Variants in CLVS1 observed in about 807,000 individuals in gnomAD.
The protein encoded by CLVS1 is clavesin 1, also known as clavesin-1.
In CLVS1, 10 loss-of-function variants were observed where a neutral mutation model predicts 33.1. The ratio of observed to expected loss-of-function variants is 0.30; its 90% CI spans 0.19 to 0.51. CLVS1 has a LOEUF of 0.51. CLVS1 is among the 20% of genes least tolerant of loss of function. CLVS1 has a pLI of 0.97. For synonymous variants in CLVS1, 163 were observed against 166.1 expected (o/e 0.98, Z 0.14); for missense variants, 343 against 433.4 (o/e 0.79, Z 1.85).
intron 3 of CLVS1, among the ~76,000 whole-genome samples, chr8:61,428,051 G>A (rs976609988): frequency 6.6e-6 from 1 of 152,194 alleles, no homozygotes; most frequent in Non-Finnish European, 1.5e-5. Flanking sequence ...TACCCTGATA[G>A]TGCTGTCTTT....
chr8:61,357,555 G>A (rs1239476132), intron 2 of CLVS1, among the ~76,000 whole-genome samples: 1 of 110,204 alleles, frequency 9.1e-6, no homozygotes, highest in African/African-American at 3.2e-5. Context: ...GCCCAAGCTG[G>A]AGAGCAATGG....
chr8:61,148,654 T>C (rs1239685220), intron 2 of CLVS1, among the ~76,000 whole-genome samples: 1 of 152,208 alleles, frequency 6.6e-6, no homozygotes, highest in African/African-American at 2.4e-5. Flanking sequence ...ACCAGTGTGG[T>C]GTCCAGAGCA....
rs1351238201 is a variant in CLVS1 at position 61,499,527 on chromosome 8, C to T, written c.1050C>T (p.Leu350=). 1 of 1,613,388 alleles carries T rather than the reference C, an allele frequency of 6.2e-7. No individual in the cohort carries two copies. Among genetic ancestry groups the T allele is most frequent in the Admixed American group, 1.7e-5 (1 of 60,004 alleles). ...EKGENENTQP[L]LALD The stretch of plus-strand genomic sequence containing the variant: ...GAGAGAATGAGAACACCCAGCCACT[C>T]CTGGCTCTGGACTGAACCCTGAGTC... Residue 350 remains leucine (L), a synonymous_variant, in exon 6 of 6, where the codon CTC becomes CTT. Coordinates refer to ENST00000325897, the MANE Select transcript of CLVS1 (RefSeq NM_173519.3).
At chr8:61,064,873 T>TAAA (rs1804647764) in intron 1 of CLVS1, among the ~76,000 whole-genome samples, 2 of 152,162 alleles carry the variant, frequency 1.3e-5, no homozygotes, top group Non-Finnish European at 2.9e-5. Context: ...GGCTAATTTT[T>TAAA]TATATTTTTA....
intron 2 of CLVS1, among the ~76,000 whole-genome samples, chr8:61,272,035 TATG>T (rs1214125756): frequency 6.6e-6 from 1 of 151,166 alleles, no homozygotes; most frequent in Non-Finnish European, 1.5e-5. Flanking sequence ...ATCCTGTCAT[TATG>T]ATGTTAGCTG....
At position 61,300,244 on chromosome 8, in the gene CLVS1, G is replaced by A; in HGVS notation, c.417G>A (p.Lys139=). 1 of 1,613,872 alleles carries A rather than the reference G, an allele frequency of 6.2e-7. No homozygotes were observed. Among genetic ancestry groups the A allele is most frequent in the South Asian group, 1.1e-5 (1 of 91,062 alleles). The change falls in exon 2 of 6, where the codon AAG becomes AAA. Residue 139 remains lysine (K), a synonymous_variant. Transcript: ENST00000325897. ...VLENRDHYGR[K]ILLLFAANWD... ...AAAACCGAGACCATTACGGCAGGAAGATTCTTTTGCTGTTTGCAGCCAATT... is the reference window on the plus strand; with the variant it reads ...AAAACCGAGACCATTACGGCAGGAAAATTCTTTTGCTGTTTGCAGCCAATT...
chr8:61,401,239 C>T (rs909801634), intron 3 of CLVS1, among the ~76,000 whole-genome samples: 1 of 150,722 alleles, frequency 6.6e-6, no homozygotes. Context: ...TTTACTTTTT[C>T]TTTCCCAATC....
Position 61,402,258 on chromosome 8 carries a change from C to T in CLVS1, c.630+25479C>T, listed in dbSNP as rs112128702. Among the ~76,000 whole-genome samples, 747 of 151,840 alleles carry T rather than the reference C, an allele frequency of 4.9e-3. 3 individuals are homozygous for T. The highest frequency in any genetic ancestry group is 0.016 in the African/African-American group (680 of 41,458). On this transcript the variant is annotated intron_variant, in intron 3 of 5. Coordinates refer to ENST00000325897, the MANE Select transcript of CLVS1 (RefSeq NM_173519.3). ...TGTAAATTTGGGGAAAAATGATTGG[C>T]AAATTAAAAGGCATGTCAAGCAAAA...
chr8:61,107,060 T>A lies in CLVS1; in HGVS notation c.-242-24710T>A, dbSNP rs545214521. Reference sequence around the variant, plus strand: ...TGAACTGCCATTCTCCTCTCTCCCATAAATGATCCTGATGGATTTTAGACA... The same window carrying A: ...TGAACTGCCATTCTCCTCTCTCCCAAAAATGATCCTGATGGATTTTAGACA... On this transcript the variant is annotated intron_variant, in intron 1 of 2. Coordinates refer to the CLVS1 transcript ENST00000522621. Among the ~76,000 whole-genome samples the A allele has an allele frequency of 4.6e-5, 7 of 152,234 alleles. No homozygotes were observed. In the East Asian group the frequency reaches 1.3e-3, roughly 29 times the overall value.
intron 1 of CLVS1, among the ~76,000 whole-genome samples, chr8:61,108,275 A>G (rs558097425): frequency 6.6e-6 from 1 of 151,704 alleles, no homozygotes; most frequent in African/African-American, 2.4e-5. Context: ...TCCTATATTT[A>G]GTGCAACAAA....
At chr8:61,253,623 T>C (rs1809000731) in intron 2 of CLVS1, among the ~76,000 whole-genome samples, 1 of 152,162 alleles carries the variant, frequency 6.6e-6, no homozygotes, top group Admixed American at 6.5e-5. Flanking sequence ...TTCATTTCTT[T>C]TTATTATTTT....
At chr8:60,974,678 T>C in the CLVS1 span, among the ~76,000 whole-genome samples, 6 of 151,718 alleles carry the variant, frequency 4.0e-5, no homozygotes, top group African/African-American at 1.2e-4. Context: ...TATTAAGAAT[T>C]GCTCCAAAGA....
At chr8:61,174,611 GA>G (rs1807077042) in intron 2 of CLVS1, among the ~76,000 whole-genome samples, 1 of 152,144 alleles carries the variant, frequency 6.6e-6, no homozygotes, top group Non-Finnish European at 1.5e-5. Flanking sequence ...TTGGAATTCA[GA>G]ATGACTTTTT....
At chr8:61,298,067 C>T (rs79475471) in intron 1 of CLVS1, among the ~76,000 whole-genome samples, 6,321 of 152,156 alleles carry the variant, frequency 0.042, 484 homozygotes, top group African/African-American at 0.14. Context: ...AATCATCATC[C>T]GTGTCATTGA....
chr8:61,101,242 G>A (rs755735390), intron 1 of CLVS1, among the ~76,000 whole-genome samples: 5 of 151,960 alleles, frequency 3.3e-5, no homozygotes, highest in Non-Finnish European at 7.4e-5. Context: ...CCACATCTTC[G>A]CCAATACTTT....
At chr8:61,220,187 C>T (rs190678922) in intron 2 of CLVS1, among the ~76,000 whole-genome samples, 1 of 152,154 alleles carries the variant, frequency 6.6e-6, no homozygotes, top group East Asian at 1.9e-4. Context: ...TCAATCTTGG[C>T]TTTTGTTGCA....
chr8:61,045,991 A>G, the CLVS1 span, among the ~76,000 whole-genome samples: 1 of 152,064 alleles, frequency 6.6e-6, no homozygotes, highest in African/African-American at 2.4e-5. Context: ...TCTTTAGTTT[A>G]ATTAGATCCC....
chr8:61,256,828 A>C (rs1471859522), intron 2 of CLVS1, among the ~76,000 whole-genome samples: 1 of 152,188 alleles, frequency 6.6e-6, no homozygotes, highest in Non-Finnish European at 1.5e-5. Context: ...AACCAAATAA[A>C]TCACTAGAGC....
the CLVS1 span, among the ~76,000 whole-genome samples, chr8:60,973,825 G>C: frequency 6.6e-6 from 1 of 152,232 alleles, no homozygotes; most frequent in Non-Finnish European, 1.5e-5. Flanking sequence ...CTGATCGCCA[G>C]TTTCAGGTGT....
Sources: gnomAD v4.1 joint callset for allele counts (sites outside exome capture counted in the v4.1 genomes callset) on GRCh38, gnomAD v4.1.1 for gene constraint, MANE v1.5 for transcripts, NCBI Gene and HGNC (gene_info 2026-07-23, HGNC 2026-07-21) for gene names.